IQGAP1: variants seen among roughly 807,000 people sequenced by gnomAD.
IQGAP1 encodes IQ motif containing GTPase activating protein 1.
Under a neutral mutation model 215.6 loss-of-function variants are expected in IQGAP1, and 66 were observed. The observed-to-expected ratio is 0.31, with a 90% CI of 0.25 to 0.38. The LOEUF (loss-of-function observed/expected upper bound fraction) is 0.38. Ranked by LOEUF, IQGAP1 falls within the 10% of genes least tolerant of loss-of-function variation. The pLI is 1.00. For missense variants in IQGAP1, 1,712 were observed against 1,997.1 expected (o/e 0.86, Z 2.72); for synonymous variants, 772 against 728.7 (o/e 1.06, Z -0.96).
At chr15:90,482,572 T>G in intron 28 of IQGAP1, 1 of 420,134 alleles carries the variant, frequency 2.4e-6, no homozygotes, top group Non-Finnish European at 4.2e-6. Flanking sequence ...CCTCTGCTGG[T>G]GACCTGGCGA....
intron 19 of IQGAP1, chr15:90,473,224 C>CAG (rs1965930422): frequency 3.7e-6 from 2 of 547,828 alleles, no homozygotes; most frequent in African/African-American, 3.8e-5. Context: ...TTGGGTACCT[C>CAG]TTCCTCTCTT....
chr15:90,487,380 C>T lies in IQGAP1; in HGVS notation c.4161-115C>T, dbSNP rs112972954. The stretch of plus-strand genomic sequence containing the variant: ...TTGAGTACTGTGTACTGGCAGCTGC[C>T]GCTTGGGACTTCTGTGAGGTACTGT... On this transcript the variant is annotated intron_variant, in intron 32 of 37. Coordinates refer to ENST00000268182, the MANE Select transcript of IQGAP1 (RefSeq NM_003870.4). 2.8e-5 allele frequency: 21 copies of T among 761,640 alleles called. 1 individual carries two copies. The highest frequency in any genetic ancestry group is 1.0e-4 in the African/African-American group (6 of 57,324). 47.2% of individuals were successfully genotyped at this position (761,640 alleles called of 1,614,324 possible).
chr15:90,442,157 G>A (rs1444378980), intron 8 of IQGAP1, among the ~76,000 whole-genome samples: 1 of 152,162 alleles, frequency 6.6e-6, no homozygotes, highest in Admixed American at 6.5e-5. Context: ...GGGGTAAAAT[G>A]TTTGTGTACA....
chr15:90,456,653 AT>A (rs1240052582), intron 15 of IQGAP1, among the ~76,000 whole-genome samples: 5 of 151,464 alleles, frequency 3.3e-5, no homozygotes, highest in Non-Finnish European at 5.9e-5. Context: ...AGGCAGGCAG[AT>A]CCCTTGAGGC....
chr15:90,390,774 C>A lies in IQGAP1; in HGVS notation c.56C>A (p.Ser19Tyr). The A allele has an allele frequency of 6.3e-7, 1 of 1,597,578 alleles. No individual in the cohort carries two copies. The highest frequency in any genetic ancestry group is 8.6e-7 in the Non-Finnish European group (1 of 1,165,172). Reference sequence around the variant, plus strand: ...TTACATTCTTTCTTTTATGTTGTAGCTGTCCTGGATAATGAAAGACTTACT... The same window carrying A: ...TTACATTCTTTCTTTTATGTTGTAGATGTCCTGGATAATGAAAGACTTACT... Reference protein sequence around the residue: ...GLGVARPHYGSVLDNERLTAE... With the variant: ...GLGVARPHYGYVLDNERLTAE... The change falls in exon 2 of 38, where the codon TCT becomes TAT. Residue 19 changes from serine (S) to tyrosine (Y), a missense_variant and splice_region_variant. By Grantham distance (144) the Ser-to-Tyr change is moderately radical. Transcript: ENST00000268182.
intron 2 of IQGAP1, among the ~76,000 whole-genome samples, chr15:90,406,532 T>C (rs1964880833): frequency 6.6e-6 from 1 of 152,244 alleles, no homozygotes; most frequent in Non-Finnish European, 1.5e-5. Context: ...ACATTGTGAA[T>C]ATTCTAAAAG....
intron 2 of IQGAP1, among the ~76,000 whole-genome samples, chr15:90,408,991 G>A (rs1030437919): frequency 1.3e-5 from 2 of 151,872 alleles, no homozygotes; most frequent in African/African-American, 4.8e-5. Flanking sequence ...CTGTAGCAGT[G>A]GGAAAAACGT....
chr15:90,397,317 A>C (rs1002024598), intron 2 of IQGAP1, among the ~76,000 whole-genome samples: 7 of 152,174 alleles, frequency 4.6e-5, no homozygotes, highest in Non-Finnish European at 1.0e-4. Context: ...ATGTTGAGAT[A>C]TCTTGCCACA....
chr15:90,402,116 T>C (rs1964813285), intron 2 of IQGAP1, among the ~76,000 whole-genome samples: 1 of 152,174 alleles, frequency 6.6e-6, no homozygotes, highest in Non-Finnish European at 1.5e-5. Flanking sequence ...TCCATCAATT[T>C]CCTGCCACTT....
chr15:90,452,925 G>C lies in IQGAP1; in HGVS notation c.1313G>C (p.Arg438Pro). Reference protein sequence around the residue: ...LYQKELATLQRQSPEHNLTHP... With the variant: ...LYQKELATLQPQSPEHNLTHP... ...CAGAAGGAGCTGGCTACCCTGCAGC[G>C]ACAAAGTCCTGAAGTGAGTTCACTA... The change falls in exon 12 of 38, where the codon CGA becomes CCA. Residue 438 changes from arginine (R) to proline (P), a missense_variant. Arg to Pro is a moderately radical substitution (Grantham distance 103, BLOSUM62 -2). Around this residue, in one of 2 missense-constraint regions of IQGAP1, gnomAD observed 1,021 missense variants for 1,074.2 expected, o/e 0.95. Transcript: ENST00000268182. 2.5e-6 allele frequency: 4 copies of C among 1,613,930 alleles called. No homozygotes were observed. Among genetic ancestry groups the C allele is most frequent in the Non-Finnish European group, 3.4e-6 (4 of 1,180,002 alleles).
At position 90,389,233 on chromosome 15, in the gene IQGAP1, T is replaced by G. The variant is rs569173088; in HGVS notation, c.55+837T>G. Among the ~76,000 whole-genome samples the G allele has an allele frequency of 2.6e-4, 40 of 152,112 alleles. No homozygotes were observed. The South Asian group carries it at 7.5e-3, about 28-fold the overall frequency. ...TCAGAGAGTCAGGTGTGCAAGCTAA[T>G]GATTATAAGGTGCAATAATGATAAA... is the stretch of plus-strand genomic sequence containing the variant. On this transcript the variant is annotated intron_variant, in intron 1 of 37. Coordinates refer to ENST00000268182, the MANE Select transcript of IQGAP1 (RefSeq NM_003870.4).
chr15:90,497,677 C>T (rs149268254), intron 37 of IQGAP1, among the ~76,000 whole-genome samples: 2 of 152,172 alleles, frequency 1.3e-5, no homozygotes, highest in African/African-American at 4.8e-5. Context: ...AGCTTGAAAT[C>T]TTTTTGTCAT....
Position 90,466,258 on chromosome 15 carries a change from T to G in IQGAP1, c.1868-11T>G. 1 of 1,613,786 alleles carries G rather than the reference T, an allele frequency of 6.2e-7. No individual in the cohort carries two copies. Among genetic ancestry groups the G allele is most frequent in the Non-Finnish European group, 8.5e-7 (1 of 1,179,692 alleles). On this transcript the variant is annotated splice_polypyrimidine_tract_variant and intron_variant, in intron 16 of 37. Transcript: ENST00000268182. ...CTAAACTATTCTGGTAACAGTTCTT[T>G]CCCGAAATAGTTGCCTTAGGAATCT...
At chr15:90,400,952 C>G (rs1308816260) in intron 2 of IQGAP1, among the ~76,000 whole-genome samples, 2 of 152,180 alleles carry the variant, frequency 1.3e-5, no homozygotes, top group Non-Finnish European at 2.9e-5. Context: ...TTGGTTGTTT[C>G]TAGCTGGTGC....
At chr15:90,477,513 A>T in intron 25 of IQGAP1, 152 bp from the exon 26 acceptor site, 1 of 659,614 alleles carries the variant, frequency 1.5e-6, no homozygotes, top group Non-Finnish European at 2.6e-6. Flanking sequence ...AATCATGACC[A>T]CGATTGAGCG....
intron 30 of IQGAP1, among the ~76,000 whole-genome samples, chr15:90,485,602 G>A (rs564491921): frequency 2.0e-5 from 3 of 152,194 alleles, no homozygotes; most frequent in East Asian, 1.9e-4. Context: ...AGCACGCCCA[G>A]CTAATTTTTG....
rs573984463 is a variant in IQGAP1, at chr15:90,474,208, C to G, written c.2575+75C>G. 33 of 1,316,228 alleles carry G rather than the reference C, an allele frequency of 2.5e-5. 1 individual carries two copies. In the South Asian group the frequency reaches 4.5e-4, roughly 18 times the overall value. 81.5% of individuals were successfully genotyped at this position (1,316,228 alleles called of 1,614,324 possible). ...CAAGTTCAGGGTATTCTCCACAGAC[C>G]TCTTTTGTTATCCTGAAGGCAAGGC... On this transcript the variant is annotated intron_variant, in intron 22 of 37. Coordinates refer to ENST00000268182, the MANE Select transcript of IQGAP1 (RefSeq NM_003870.4).
chr15:90,432,710 GCTCT>G (rs1357710893), intron 4 of IQGAP1, among the ~76,000 whole-genome samples: 1 of 152,062 alleles, frequency 6.6e-6, no homozygotes, highest in Non-Finnish European at 1.5e-5. Context: ...AAGGCCTTTT[GCTCT>G]CTATCATGAT....
chr15:90,479,965 G>A (rs535644823), intron 26 of IQGAP1, among the ~76,000 whole-genome samples: 15 of 152,136 alleles, frequency 9.9e-5, no homozygotes, highest in African/African-American at 3.4e-4. Flanking sequence ...CACTGGCTCC[G>A]GGCTTCTCAG....
Sources: gnomAD v4.1 joint callset for allele counts (sites outside exome capture counted in the v4.1 genomes callset) on GRCh38, gnomAD v4.1.1 for gene constraint, gnomAD v4.1.1 regional missense constraint, MANE v1.5 for transcripts, NCBI Gene and HGNC (gene_info 2026-07-23, HGNC 2026-07-21) for gene names.